RELL1: variants seen among roughly 807,000 people sequenced by gnomAD.
RELL1 encodes the protein RELT like 1.
Under a neutral mutation model 23.0 loss-of-function variants are expected in RELL1, and 10 were observed. That is an observed-to-expected ratio of 0.43 (90% CI 0.27 to 0.74). RELL1 has a LOEUF of 0.74. Ranked by LOEUF, RELL1 falls within the 30% of genes least tolerant of loss-of-function variation. The pLI is 0.19. For missense variants in RELL1, 315 were observed against 364.4 expected, an observed-to-expected ratio of 0.86 and a Z score of 1.10; for synonymous variants, 146 against 146.8, an observed-to-expected ratio of 0.99 and a Z score of 0.04.
intron 6 of RELL1, among the ~76,000 whole-genome samples, chr4:37,627,987 G>C (rs754143956): frequency 1.3e-5 from 2 of 152,164 alleles, no homozygotes; most frequent in African/African-American, 2.4e-5. Context: ...AATTTTTCTA[G>C]TTGGAAAATC....
chr4:37,600,911 A>G (rs551260471), intron 6 of RELL1, among the ~76,000 whole-genome samples: 5 of 152,274 alleles, frequency 3.3e-5, no homozygotes, highest in South Asian at 2.1e-4. Context: ...TATTTTGTCT[A>G]TGATTTCTCA....
intron 3 of RELL1, 109 bp downstream of exon 3, chr4:37,647,259 G>A (rs1168443592): frequency 1.4e-6 from 1 of 697,166 alleles, no homozygotes; most frequent in African/African-American, 1.8e-5. Flanking sequence ...GTGTTAGAAA[G>A]CTTAGGTGAA....
rs535540218 is a variant in RELL1 at position 37,678,672 on chromosome 4, T to G, written c.88+7528A>C. On this transcript the variant is annotated intron_variant, in intron 1 of 6. Coordinates refer to ENST00000454158, the MANE Select transcript of RELL1 (RefSeq NM_001085400.2). ...ATTCTTTAGCTGTGATAGGTTAGTA[T>G]CTGGTTTAGCCTAGGCAATAATAAT... Among the ~76,000 whole-genome samples, 4 of 152,346 alleles carry G rather than the reference T, an allele frequency of 2.6e-5. No individual in the cohort carries two copies. In the South Asian group the frequency reaches 8.3e-4, roughly 32 times the overall value.
At chr4:37,594,636 T>C (rs1718765579) in intron 6 of RELL1, among the ~76,000 whole-genome samples, 2 of 152,234 alleles carry the variant, frequency 1.3e-5, no homozygotes, top group African/African-American at 4.8e-5. Context: ...ATGTAGTGAA[T>C]AGTTATAACT....
intron 1 of RELL1, among the ~76,000 whole-genome samples, chr4:37,663,760 A>C (rs747816462): frequency 3.3e-5 from 5 of 152,170 alleles, no homozygotes; most frequent in Non-Finnish European, 5.9e-5. Flanking sequence ...CAGTGTCTGT[A>C]AGTGGCGGTG....
intron 3 of RELL1, among the ~76,000 whole-genome samples, chr4:37,642,604 G>C (rs1264804136): frequency 6.6e-6 from 1 of 152,208 alleles, no homozygotes; most frequent in Non-Finnish European, 1.5e-5. Context: ...CCTGATAGGA[G>C]TGTCTTTTGT....
intron 4 of RELL1, among the ~76,000 whole-genome samples, chr4:37,637,282 A>G (rs1365683531): frequency 6.6e-6 from 1 of 152,238 alleles, no homozygotes; most frequent in Non-Finnish European, 1.5e-5. Flanking sequence ...TTACCTTTCT[A>G]AAACACACAT....
In RELL1 at chr4:37,671,045, G is replaced by C. The variant is rs552028448; in HGVS notation, c.88+15155C>G. The stretch of plus-strand genomic sequence containing the variant: ...TAAACCCAGTTCTCCAACACCAACC[G>C]GGTGTCCCACAATTCAATTAAATTC... On this transcript the variant is annotated intron_variant, in intron 1 of 6. Coordinates refer to ENST00000454158, the MANE Select transcript of RELL1 (RefSeq NM_001085400.2). Among the ~76,000 whole-genome samples the C allele has an allele frequency of 1.6e-4, 24 of 152,068 alleles. 1 individual carries two copies. Among genetic ancestry groups the C allele is most frequent in the Non-Finnish European group, 2.9e-5 (2 of 68,024 alleles).
At chr4:37,599,624 C>A (rs1308598859) in intron 6 of RELL1, among the ~76,000 whole-genome samples, 1 of 152,158 alleles carries the variant, frequency 6.6e-6, no homozygotes, top group Non-Finnish European at 1.5e-5. Context: ...CTTTTGGTGA[C>A]AAGGAAGTGG....
chr4:37,673,882 G>A (rs1721929362), intron 1 of RELL1, among the ~76,000 whole-genome samples: 1 of 152,132 alleles, frequency 6.6e-6, no homozygotes, highest in Non-Finnish European at 1.5e-5. Flanking sequence ...TCTCCCCTCT[G>A]CAGCCTCATC....
chr4:37,641,693 T>C (rs1395318630), intron 3 of RELL1, among the ~76,000 whole-genome samples: 1 of 152,234 alleles, frequency 6.6e-6, no homozygotes, highest in East Asian at 1.9e-4. Flanking sequence ...CCCTGCTTGA[T>C]AATATGCATG....
At chr4:37,614,862 T>C (rs1038350869) in intron 6 of RELL1, among the ~76,000 whole-genome samples, 2 of 152,126 alleles carry the variant, frequency 1.3e-5, no homozygotes, top group African/African-American at 4.8e-5. Flanking sequence ...GCCTAGAAAC[T>C]AATGTTTCAT....
intron 1 of RELL1, among the ~76,000 whole-genome samples, chr4:37,677,682 T>TA: frequency 6.6e-6 from 1 of 152,156 alleles, no homozygotes; most frequent in Non-Finnish European, 1.5e-5. Flanking sequence ...TATAAAGAAA[T>TA]ACCTGAGGCT....
intron 1 of RELL1, among the ~76,000 whole-genome samples, chr4:37,662,851 G>A (rs999708958): frequency 6.6e-6 from 1 of 151,900 alleles, no homozygotes; most frequent in African/African-American, 2.4e-5. Context: ...TGTCTTGAGA[G>A]GCCAAGGACC....
chr4:37,617,982 A>G (rs1407161113), intron 6 of RELL1, among the ~76,000 whole-genome samples: 1 of 152,184 alleles, frequency 6.6e-6, no homozygotes, highest in Non-Finnish European at 1.5e-5. Context: ...GATGCCACCT[A>G]AAGTCTCAGC....
At chr4:37,608,877 C>T (rs145103585), downstream of RELL1, among the ~76,000 whole-genome samples, 134 of 152,170 alleles carry the variant, frequency 8.8e-4, 2 homozygotes, top group East Asian at 0.024. Flanking sequence ...GCAATCAGCC[C>T]GCCTCAGCCT....
rs746511258 is a variant in RELL1, at chr4:37,635,006, G to A, written c.561C>T (p.Val187=). The A allele has an allele frequency of 9.9e-6, 16 of 1,613,990 alleles. No homozygotes were observed. Among genetic ancestry groups the A allele is most frequent in the Admixed American group, 1.7e-5 (1 of 59,998 alleles). Residue 187 remains valine, a synonymous_variant, in exon 5 of 7, where the codon GTC becomes GTT. Coordinates refer to ENST00000454158, the MANE Select transcript of RELL1 (RefSeq NM_001085400.2). The stretch of plus-strand genomic sequence containing the variant: ...TACACCGATGACACACATCCCTCTC[G>A]ACAACACCGCCCACCGTATGCAGAT... The part of the protein sequence containing the change: ...GHHLHTVGGV[V]ERDVCHRCRH...
chr4:37,589,833 T>C, downstream of RELL1, among the ~76,000 whole-genome samples: 1 of 152,174 alleles, frequency 6.6e-6, no homozygotes. Flanking sequence ...GGTTTCACCA[T>C]GTCGGTCAGG....
At chr4:37,628,657 A>G (rs1002333024) in intron 6 of RELL1, among the ~76,000 whole-genome samples, 3 of 152,154 alleles carry the variant, frequency 2.0e-5, no homozygotes, top group Non-Finnish European at 4.4e-5. Context: ...CAATATGACT[A>G]CCTTCTACTG....
Sources: gnomAD v4.1 joint callset for allele counts (sites outside exome capture counted in the v4.1 genomes callset) on GRCh38, gnomAD v4.1.1 for gene constraint, MANE v1.5 for transcripts, NCBI Gene and HGNC (gene_info 2026-07-23, HGNC 2026-07-21) for gene names.